DARS1: variants seen among roughly 807,000 people sequenced by gnomAD.
DARS1 encodes aspartate--tRNA ligase, cytoplasmic.
DARS1 carries 51 observed loss-of-function variants against 68.8 expected under a neutral mutation model. The observed-to-expected ratio is 0.74, with a 90% CI of 0.59 to 0.94. The LOEUF is 0.94. Ranked by LOEUF, DARS1 falls within the 40% of genes least tolerant of loss-of-function variation. The probability of loss-of-function intolerance (pLI) is 0.00; values close to 1 mark genes in which losing one functional copy is unlikely to be tolerated. For missense variants in DARS1, 607 were observed against 597.3 expected (o/e 1.02, Z -0.17); for synonymous variants, 203 against 190.4 (o/e 1.07, Z -0.55).
chr2:135,968,034 C>T (rs748113784), intron 3 of DARS1, among the ~76,000 whole-genome samples: 6 of 152,034 alleles, frequency 3.9e-5, no homozygotes, highest in Non-Finnish European at 7.4e-5. Context: ...CCAAGGTGGG[C>T]AGATCACCTG....
intron 15 of DARS1, 49 bp downstream of exon 15, chr2:135,911,081 AAATTTGTAT>A: frequency 3.9e-6 from 3 of 761,794 alleles, no homozygotes; most frequent in Non-Finnish European, 6.7e-6. Flanking sequence ...CTTGTAATTC[AAATTTGTAT>A]TATACTTAGA....
intron 10 of DARS1, 53 bp downstream of exon 10, chr2:135,920,400 A>G (rs2104799907): frequency 6.6e-7 from 1 of 1,505,806 alleles, no homozygotes. Flanking sequence ...TTTTTTTTAA[A>G]GGGCCCAAAC....
Position 135,926,101 on chromosome 2 carries a change from G to A in DARS1, c.565-1603C>T, listed in dbSNP as rs539764873. On this transcript the variant is annotated intron_variant, in intron 7 of 15. Transcript: ENST00000264161. ...AGACCGGGTTTCACCATGTTGGCCA[G>A]GCTGGTCTTGAACCCCTGACCCCAG... 2.2e-4 allele frequency among the ~76,000 whole-genome samples: 34 copies of A among 152,230 alleles called. No individual in the cohort carries two copies. The South Asian group carries it at 6.6e-3, about 30-fold the overall frequency.
intron 6 of DARS1, 46 bp downstream of exon 6, chr2:135,933,864 C>T: frequency 6.3e-7 from 1 of 1,580,050 alleles, no homozygotes; most frequent in East Asian, 2.3e-5. Flanking sequence ...GTTTTGCAAA[C>T]TAAATATACA....
At chr2:135,975,528 T>C (rs1173844938) in intron 3 of DARS1, among the ~76,000 whole-genome samples, 1 of 152,042 alleles carries the variant, frequency 6.6e-6, no homozygotes, top group African/African-American at 2.4e-5. Flanking sequence ...GTACAGTGGC[T>C]GAAGCCTGTA....
Position 135,907,230 on chromosome 2 carries a change from A to C in DARS1, c.*86T>G, listed in dbSNP as rs1680801202. 1.3e-6 allele frequency: 1 copy of C among 791,294 alleles called. No homozygotes were observed. The highest frequency in any genetic ancestry group is 1.9e-6 in the Non-Finnish European group (1 of 528,332). The allele number at this position is 791,294 out of a possible 1,614,324, so 49.0% of individuals were successfully genotyped here. Reference sequence around the variant, plus strand: ...GCACTAGCAGGTTACTGAAAAGAATAAGTGTGGCTTTCTTTTTTTTTTTTT... The same window carrying C: ...GCACTAGCAGGTTACTGAAAAGAATCAGTGTGGCTTTCTTTTTTTTTTTTT... On this transcript the variant is annotated 3_prime_UTR_variant, in exon 16 of 16. Transcript: ENST00000264161.
At chr2:135,918,767 G>A (rs1293881139) in intron 10 of DARS1, among the ~76,000 whole-genome samples, 2 of 152,084 alleles carry the variant, frequency 1.3e-5, no homozygotes, top group South Asian at 2.1e-4. Flanking sequence ...TTATAAATGC[G>A]AACAGAAAAT....
chr2:135,969,616 T>TA (rs748237751), intron 3 of DARS1, among the ~76,000 whole-genome samples: 1,682 of 139,084 alleles, frequency 0.012, 28 homozygotes, highest in African/African-American at 0.037. Context: ...AGCACTATAC[T>TA]AAAAAAAAAA....
At position 135,911,476 on chromosome 2, in the gene DARS1, G is replaced by A. The variant is rs201526164; in HGVS notation, c.1248C>T (p.Tyr416=). The A allele has an allele frequency of 2.2e-5, 22 of 989,434 alleles. No homozygotes were observed. The highest frequency in any genetic ancestry group is 6.3e-5 in the African/African-American group (4 of 63,422). The allele number at this position is 989,434 out of a possible 1,614,324, so 61.3% of individuals were successfully genotyped here. A position where few individuals can be genotyped will look rare whatever the true frequency, so the allele number is the denominator to read the frequency against. Residue 416 remains tyrosine (Y), a synonymous_variant, in exon 14 of 16, where the codon TAC becomes TAT. Transcript: ENST00000264161. ...TTTCTTCTCCTCTCATGAACATATC[G>A]TAAGAGTTGGACTGTTTCTGCAAGA... The part of the protein sequence containing the change: ...DPRNPKQSNS[Y]DMFMRGEEIL...
intron 10 of DARS1, among the ~76,000 whole-genome samples, chr2:135,919,234 T>C (rs1681065439): frequency 6.6e-6 from 1 of 152,082 alleles, no homozygotes; most frequent in South Asian, 2.1e-4. Flanking sequence ...TTTTGCTAAG[T>C]TGGCCGGGTC....
At chr2:135,965,311 T>C (rs1682198698) in intron 3 of DARS1, among the ~76,000 whole-genome samples, 1 of 152,014 alleles carries the variant, frequency 6.6e-6, no homozygotes, top group South Asian at 2.1e-4. Context: ...GAACAGCATA[T>C]AACCTATATA....
intron 6 of DARS1, among the ~76,000 whole-genome samples, chr2:135,933,183 C>A (rs1681391516): frequency 6.6e-6 from 1 of 152,192 alleles, no homozygotes; most frequent in Non-Finnish European, 1.5e-5. Flanking sequence ...GTTGAAGGAA[C>A]AGATAAAAGC....
intron 1 of DARS1, among the ~76,000 whole-genome samples, chr2:135,984,607 C>T (rs1682725426): frequency 6.6e-6 from 1 of 152,188 alleles, no homozygotes; most frequent in South Asian, 2.1e-4. Flanking sequence ...ATAATTAGTA[C>T]TATTAATATT....
chr2:135,941,664 C>G (rs1050454353), intron 5 of DARS1, among the ~76,000 whole-genome samples: 3 of 150,698 alleles, frequency 2.0e-5, no homozygotes, highest in African/African-American at 7.3e-5. Flanking sequence ...CAAATGGGAT[C>G]TAATTAAACT....
At chr2:135,926,257 A>G (rs1681209648) in intron 7 of DARS1, among the ~76,000 whole-genome samples, 2 of 152,230 alleles carry the variant, frequency 1.3e-5, no homozygotes, top group Admixed American at 1.3e-4. Context: ...AGATTATTTA[A>G]TATGAATAGA....
At chr2:135,940,368 T>C (rs1426632890) in intron 5 of DARS1, among the ~76,000 whole-genome samples, 1 of 152,198 alleles carries the variant, frequency 6.6e-6, no homozygotes, top group Non-Finnish European at 1.5e-5. Flanking sequence ...TGCAAATCAA[T>C]AAACGTAATC....
chr2:135,914,735 A>G (rs1301044037), intron 11 of DARS1: 3 of 446,782 alleles, frequency 6.7e-6, no homozygotes, highest in Non-Finnish European at 1.2e-5. Flanking sequence ...TCAAATATTT[A>G]ATTAAAGCAA....
chr2:135,955,898 A>G (rs1325273932), intron 4 of DARS1, among the ~76,000 whole-genome samples: 1 of 151,980 alleles, frequency 6.6e-6, no homozygotes, highest in Admixed American at 6.6e-5. Flanking sequence ...GGCTCAAGTG[A>G]TCTGCCTGCT....
chr2:135,909,357 TTTA>T (rs1299322944), intron 15 of DARS1, among the ~76,000 whole-genome samples: 4 of 152,230 alleles, frequency 2.6e-5, no homozygotes, highest in East Asian at 1.9e-4. Context: ...TTTGCCCAGC[TTTA>T]TTGAGTTATA....
Sources: gnomAD v4.1 joint callset for allele counts (sites outside exome capture counted in the v4.1 genomes callset) on GRCh38, gnomAD v4.1.1 for gene constraint, MANE v1.5 for transcripts, NCBI Gene and HGNC (gene_info 2026-07-23, HGNC 2026-07-21) for gene names.